The following ADNP variants were observed in gnomAD, a reference collection of about 807,000 sequenced individuals.
ADNP encodes the protein activity-dependent neuroprotector homeobox protein.
ADNP carries 4 observed loss-of-function variants against 84.9 expected under a neutral mutation model. That is an observed-to-expected ratio of 0.05 (90% CI 0.02 to 0.11). The LOEUF (loss-of-function observed/expected upper bound fraction) is 0.11, where lower values mean the gene tolerates loss of function less well. Ranked by LOEUF, ADNP falls within the 10% of genes least tolerant of loss-of-function variation. The probability of loss-of-function intolerance (pLI) is 1.00; values close to 1 mark genes in which losing one functional copy is unlikely to be tolerated. For missense variants in ADNP, 1,132 were observed against 1,326.0 expected, an observed-to-expected ratio of 0.85 and a Z score of 2.27; for synonymous variants, 554 against 468.1, an observed-to-expected ratio of 1.18 and a Z score of -2.37.
At chr20:50,929,913 T>C (rs1184889252) in intron 1 of ADNP, among the ~76,000 whole-genome samples, 1 of 151,988 alleles carries the variant, frequency 6.6e-6, no homozygotes, top group Admixed American at 6.6e-5. Context: ...TTCAAGAAGA[T>C]TAAGAAGACT....
chr20:50,930,290 T>G (rs1333881956), intron 1 of ADNP, among the ~76,000 whole-genome samples: 1 of 151,848 alleles, frequency 6.6e-6, no homozygotes, highest in Non-Finnish European at 1.5e-5. Context: ...GCTGGCAGGT[T>G]GGGGAAGAAG....
At chr20:50,930,263 G>A (rs1984599061) in intron 1 of ADNP, among the ~76,000 whole-genome samples, 1 of 152,200 alleles carries the variant, frequency 6.6e-6, no homozygotes, top group Non-Finnish European at 1.5e-5. Flanking sequence ...GTGAACTGTG[G>A]TCAGGATAAG....
chr20:50,927,525 A>C (rs1044733786), intron 2 of ADNP, among the ~76,000 whole-genome samples: 1 of 151,844 alleles, frequency 6.6e-6, no homozygotes, highest in Non-Finnish European at 1.5e-5. Flanking sequence ...TAGTTTACCT[A>C]CTATAAATTC....
At chr20:50,911,130 G>C (rs1237637079) in intron 2 of ADNP, among the ~76,000 whole-genome samples, 1 of 152,224 alleles carries the variant, frequency 6.6e-6, no homozygotes, top group African/African-American at 2.4e-5. Flanking sequence ...CAGCTGGAAT[G>C]AAAATCTAAG....
At chr20:50,916,610 GACA>G (rs1158822599) in intron 2 of ADNP, among the ~76,000 whole-genome samples, 2 of 152,176 alleles carry the variant, frequency 1.3e-5, no homozygotes, top group Non-Finnish European at 2.9e-5. Context: ...GGTCGAGTGA[GACA>G]ACAATACTCT....
chr20:50,909,920 T>C (rs1183050689), intron 2 of ADNP: 1 of 152,184 alleles, frequency 6.6e-6, no homozygotes, highest in Non-Finnish European at 1.5e-5. Flanking sequence ...CTATTGATAT[T>C]GTTTAAGGTC....
intron 2 of ADNP, among the ~76,000 whole-genome samples, chr20:50,926,717 T>C (rs1984312972): frequency 6.6e-6 from 1 of 152,192 alleles, no homozygotes; most frequent in Non-Finnish European, 1.5e-5. Context: ...CACACCCAAT[T>C]GTGAAATCAA....
chr20:50,893,140 T>C lies in ADNP; in HGVS notation c.1574A>G (p.Glu525Gly). The change falls in exon 6 of 6, where the codon GAA becomes GGA. Residue 525 changes from glutamate (E) to glycine (G), a missense_variant. This residue lies in a region of ADNP where 87 missense variants were observed against 181.4 expected (regional missense o/e 0.48). Transcript: ENST00000621696. This position sits in a 1 kb window ranked among gnomAD's most constrained non-coding sequence, Gnocchi z 4.4. ...PYCRSTFNDV[E>G]KMAAHMRMVH... ...CATCCGCATGTGTGCGGCCATCTTT[T>C]CCACATCATTGAAAGTTGAACGGCA... The C allele has an allele frequency of 6.2e-7, 1 of 1,614,228 alleles. No homozygotes were observed. Among genetic ancestry groups the C allele is most frequent in the South Asian group, 1.1e-5 (1 of 91,088 alleles).
intron 3 of ADNP, 39 bp downstream of exon 3, chr20:50,904,727 A>C (rs1982307854): frequency 6.6e-6 from 1 of 152,204 alleles, no homozygotes; most frequent in South Asian, 2.1e-4. Context: ...TGCTTTTCTC[A>C]TTTTGATGTT....
At chr20:50,911,743 G>C (rs1359979964) in intron 2 of ADNP, among the ~76,000 whole-genome samples, 3 of 152,052 alleles carry the variant, frequency 2.0e-5, no homozygotes, top group Non-Finnish European at 4.4e-5. Flanking sequence ...GCATTTACTA[G>C]TATCATCTGA....
intron 2 of ADNP, among the ~76,000 whole-genome samples, chr20:50,910,710 AGTGG>A (rs1982943333): frequency 6.6e-6 from 1 of 152,192 alleles, no homozygotes; most frequent in African/African-American, 2.4e-5. Flanking sequence ...GCTGGAGTGC[AGTGG>A]TATGATCACA....
At chr20:50,905,411 A>G (rs1289955617) in intron 2 of ADNP, 3 of 152,228 alleles carry the variant, frequency 2.0e-5, no homozygotes, top group Non-Finnish European at 2.9e-5. Context: ...TGTAATACCA[A>G]TATCATCTGT....
At chr20:50,920,280 A>G (rs902317379) in intron 2 of ADNP, among the ~76,000 whole-genome samples, 1 of 146,508 alleles carries the variant, frequency 6.8e-6, no homozygotes, top group African/African-American at 2.6e-5. Context: ...AAAAAAAAAA[A>G]AAAAGAAAGA....
Position 50,889,864 on chromosome 20 carries a change from T to TA in ADNP, c.*1540dup. 1 of 398,512 alleles carries TA rather than the reference T, an allele frequency of 2.5e-6. No homozygotes were observed. 24.7% of individuals were successfully genotyped at this position (398,512 alleles called of 1,614,324 possible). A position where few individuals can be genotyped will look rare whatever the true frequency, so the allele number is the denominator to read the frequency against. On this transcript the variant is annotated 3_prime_UTR_variant, in exon 6 of 6. Coordinates refer to ENST00000621696, the MANE Select transcript of ADNP (RefSeq NM_001282531.3). ...GCTGTGCTCTTCAAAGCCTTTCCCT[T>TA]AATAGCAAGAGGGCCAAGAGTGGCA...
At chr20:50,896,862 T>C (rs188170221) in intron 5 of ADNP, among the ~76,000 whole-genome samples, 115 of 152,346 alleles carry the variant, frequency 7.5e-4, no homozygotes, top group East Asian at 1.9e-4. Context: ...ATAGATTTGA[T>C]TGTAAGCAGA....
At chr20:50,900,181 C>A (rs1046373332) in intron 5 of ADNP, among the ~76,000 whole-genome samples, 2 of 151,994 alleles carry the variant, frequency 1.3e-5, no homozygotes, top group African/African-American at 4.8e-5. Context: ...TTTACTGTAC[C>A]TTTTCTATGC....
chr20:50,895,395 G>A (rs1485489240), intron 5 of ADNP, among the ~76,000 whole-genome samples: 2 of 152,150 alleles, frequency 1.3e-5, no homozygotes, highest in Non-Finnish European at 2.9e-5. Context: ...GCTGAGCACA[G>A]AAAAGGTACA....
chr20:50,908,005 C>T (rs1982656238), intron 2 of ADNP, among the ~76,000 whole-genome samples: 1 of 152,198 alleles, frequency 6.6e-6, no homozygotes, highest in African/African-American at 2.4e-5. Flanking sequence ...TTGGAAATTC[C>T]ATAATCTCCC....
At position 50,930,153 on chromosome 20, in the gene ADNP, T is replaced by C. The variant is rs191083604; in HGVS notation, c.-265+673A>G. 3.9e-4 allele frequency among the ~76,000 whole-genome samples: 60 copies of C among 152,294 alleles called. No homozygotes were observed. In the East Asian group the frequency reaches 9.8e-3, roughly 25 times the overall value. On this transcript the variant is annotated intron_variant, in intron 1 of 5. Coordinates refer to ENST00000621696, the MANE Select transcript of ADNP (RefSeq NM_001282531.3). ...TTAAAAAAAAATCTTTTTGCAGCTCTCTGGATTTCCATTTTCTACCACCTT... is the reference window on the plus strand; with the variant it reads ...TTAAAAAAAAATCTTTTTGCAGCTCCCTGGATTTCCATTTTCTACCACCTT...
Sources: gnomAD v4.1 joint callset for allele counts (sites outside exome capture counted in the v4.1 genomes callset) on GRCh38, gnomAD v4.1.1 for gene constraint, gnomAD v4.1.1 regional missense constraint, Gnocchi (gnomAD v3.1) non-coding constraint, MANE v1.5 for transcripts, NCBI Gene and HGNC (gene_info 2026-07-23, HGNC 2026-07-21) for gene names.